Variants in KCNK2 observed in about 807,000 individuals in gnomAD.
KCNK2 encodes the protein potassium channel subfamily K member 2.
In KCNK2, 21 loss-of-function variants were observed where a neutral mutation model predicts 40.5. The observed-to-expected ratio is 0.52, with a 90% CI of 0.37 to 0.75. The LOEUF (loss-of-function observed/expected upper bound fraction) is 0.75. Among genes scored for constraint, KCNK2 ranks in the 30% least tolerant of loss-of-function variants. The pLI, the probability that KCNK2 is intolerant of heterozygous loss-of-function variation, is 0.00. For synonymous variants in KCNK2, 191 were observed against 202.2 expected (o/e 0.94, Z 0.47); for missense variants, 399 against 531.6 (o/e 0.75, Z 2.45).
intron 2 of KCNK2, among the ~76,000 whole-genome samples, chr1:215,117,161 A>G (rs891558688): frequency 2.0e-5 from 3 of 152,046 alleles, no homozygotes; most frequent in African/African-American, 7.2e-5. Flanking sequence ...CCATATAACT[A>G]CAGAATTTCT....
intron 1 of KCNK2, among the ~76,000 whole-genome samples, chr1:215,074,556 A>G (rs1292116921): frequency 6.6e-6 from 1 of 152,254 alleles, no homozygotes; most frequent in Non-Finnish European, 1.5e-5. Flanking sequence ...CACAACAAAT[A>G]TAAGTTTCAA....
chr1:215,060,482 A>C (rs905214349), intron 1 of KCNK2, among the ~76,000 whole-genome samples: 1 of 152,212 alleles, frequency 6.6e-6, no homozygotes, highest in Non-Finnish European at 1.5e-5. Flanking sequence ...CAAAGGACTG[A>C]GTAACACCTA....
intron 5 of KCNK2, among the ~76,000 whole-genome samples, chr1:215,174,580 T>A (rs1179373139): frequency 6.6e-6 from 1 of 151,972 alleles, no homozygotes; most frequent in Non-Finnish European, 1.5e-5. Flanking sequence ...CATTTTCATG[T>A]CATTGATTCT....
At chr1:215,105,652 G>A (rs1256539655) in intron 2 of KCNK2, among the ~76,000 whole-genome samples, 1 of 152,004 alleles carries the variant, frequency 6.6e-6, no homozygotes, top group African/African-American at 2.4e-5. Flanking sequence ...AGGGTATATT[G>A]TATGATGCTG....
intron 2 of KCNK2, among the ~76,000 whole-genome samples, chr1:215,093,756 T>TAAA (rs1558087739): frequency 3.5e-3 from 254 of 71,568 alleles, no homozygotes; most frequent in Non-Finnish European, 5.0e-3. Flanking sequence ...ATATATTATA[T>TAAA]ATTATATAAT....
chr1:215,048,961 T>A (rs1400225985), intron 1 of KCNK2, among the ~76,000 whole-genome samples: 1 of 152,212 alleles, frequency 6.6e-6, no homozygotes, highest in Non-Finnish European at 1.5e-5. Context: ...AAATCCACAA[T>A]GGACATTGTA....
At chr1:215,177,740 A>ATATATATTTC (rs71167812) in intron 5 of KCNK2, among the ~76,000 whole-genome samples, 4 of 101,600 alleles carry the variant, frequency 3.9e-5, no homozygotes, top group African/African-American at 1.4e-4. Context: ...ATATATATAT[A>ATATATATTTC]TTTTTTTTTT....
intron 1 of KCNK2, among the ~76,000 whole-genome samples, chr1:215,084,027 A>G (rs1659309029): frequency 6.6e-6 from 1 of 152,216 alleles, no homozygotes; most frequent in Non-Finnish European, 1.5e-5. Context: ...TAAAGATAAA[A>G]GTCTGCTTTT....
intron 1 of KCNK2, among the ~76,000 whole-genome samples, chr1:215,018,681 C>T (rs1265208102): frequency 1.3e-5 from 2 of 152,064 alleles, no homozygotes; most frequent in African/African-American, 4.8e-5. Flanking sequence ...AGTGAGTGGA[C>T]AGGAGAGGGG....
At chr1:215,083,519 T>A in intron 1 of KCNK2, 88 bp downstream of exon 1, 1 of 956,780 alleles carries the variant, frequency 1.0e-6, no homozygotes, top group Non-Finnish European at 1.7e-6. Flanking sequence ...ATGCCCCCTC[T>A]CAGCAAGCGG....
At chr1:215,057,558 C>A (rs907748395) in intron 1 of KCNK2, among the ~76,000 whole-genome samples, 7 of 152,094 alleles carry the variant, frequency 4.6e-5, no homozygotes, top group Non-Finnish European at 1.0e-4. Flanking sequence ...ATGTTGACTC[C>A]ACCACTGAAG....
chr1:215,206,035 A>C (rs1223564894), intron 6 of KCNK2, among the ~76,000 whole-genome samples: 2 of 152,294 alleles, frequency 1.3e-5, no homozygotes, highest in African/African-American at 2.4e-5. Context: ...TCAAGGTAAG[A>C]GTTCAAGTAA....
At chr1:215,133,601 T>C (rs1661766705) in intron 3 of KCNK2, among the ~76,000 whole-genome samples, 1 of 151,488 alleles carries the variant, frequency 6.6e-6, no homozygotes, top group Non-Finnish European at 1.5e-5. Flanking sequence ...TTAGGCTGCA[T>C]GTTTGTTTTC....
chr1:215,071,170 C>T (rs1658744626), intron 1 of KCNK2, among the ~76,000 whole-genome samples: 1 of 152,080 alleles, frequency 6.6e-6, no homozygotes, highest in African/African-American at 2.4e-5. Context: ...TTTGACACTC[C>T]ATAAATATAT....
chr1:215,065,925 G>A lies in KCNK2; in HGVS notation c.35-20443G>A, dbSNP rs144824736. On this transcript the variant is annotated intron_variant, in intron 1 of 6. Coordinates refer to the KCNK2 transcript ENST00000391895. Reference sequence around the variant, plus strand: ...CTGGGAGGATTGCTTGAGCCTAGAAGTTTGAGTCCAGCCTGGGCAACATGG... The same window carrying A: ...CTGGGAGGATTGCTTGAGCCTAGAAATTTGAGTCCAGCCTGGGCAACATGG... Among the ~76,000 whole-genome samples the A allele has an allele frequency of 3.3e-5, 5 of 152,278 alleles. No homozygotes were observed. The East Asian group carries it at 7.7e-4, about 24-fold the overall frequency.
intron 3 of KCNK2, among the ~76,000 whole-genome samples, chr1:215,166,601 G>A (rs1401260588): frequency 6.6e-6 from 1 of 152,026 alleles, no homozygotes; most frequent in Non-Finnish European, 1.5e-5. Context: ...TGAGAATTGG[G>A]AGAACCTGTC....
intron 1 of KCNK2, among the ~76,000 whole-genome samples, chr1:215,045,063 G>T (rs1043522018): frequency 6.6e-6 from 1 of 151,828 alleles, no homozygotes; most frequent in African/African-American, 2.4e-5. Context: ...GGCGCCTGTA[G>T]TCCCAGCTTA....
chr1:215,125,507 C>G (rs1361224324), intron 3 of KCNK2, among the ~76,000 whole-genome samples: 2 of 151,828 alleles, frequency 1.3e-5, no homozygotes, highest in African/African-American at 4.8e-5. Flanking sequence ...AACCTAAACA[C>G]AGACCCCACA....
At chr1:215,175,859 C>G (rs368195790) in intron 5 of KCNK2, among the ~76,000 whole-genome samples, 1 of 152,102 alleles carries the variant, frequency 6.6e-6, no homozygotes, top group Non-Finnish European at 1.5e-5. Context: ...CAAAGTATTC[C>G]GTGGTGTGTA....
Sources: allele counts gnomAD v4.1 joint callset (sites outside exome capture counted in the v4.1 genomes callset), GRCh38; gene constraint gnomAD v4.1.1; transcripts MANE v1.5; gene names NCBI Gene and HGNC (gene_info 2026-07-23, HGNC 2026-07-21).